Variants in DOK6 observed in about 807,000 individuals in gnomAD.
The protein encoded by DOK6 is downstream of tyrosine kinase 6.
DOK6 carries 22 observed loss-of-function variants against 44.0 expected under a neutral mutation model. The ratio of observed to expected loss-of-function variants is 0.50; its 90% CI spans 0.36 to 0.71. The LOEUF is 0.71. DOK6 is among the 30% of genes least tolerant of loss of function. The probability of loss-of-function intolerance (pLI) is 0.00; values close to 1 mark genes in which losing one functional copy is unlikely to be tolerated. For missense variants in DOK6, 340 were observed against 416.4 expected (o/e 0.82, Z 1.60); for synonymous variants, 166 against 145.5 (o/e 1.14, Z -1.01).
At chr18:69,691,593 G>A (rs1412479143) in intron 4 of DOK6, among the ~76,000 whole-genome samples, 1 of 152,164 alleles carries the variant, frequency 6.6e-6, no homozygotes, top group Non-Finnish European at 1.5e-5. Flanking sequence ...TTTTCACCAT[G>A]GTGAACCTGA....
chr18:69,433,977 T>C (rs1274238703), intron 1 of DOK6, among the ~76,000 whole-genome samples: 1 of 152,230 alleles, frequency 6.6e-6, no homozygotes, highest in Non-Finnish European at 1.5e-5. Flanking sequence ...TAGCCTCAAC[T>C]ACAGCAAAAT....
chr18:69,465,095 A>G (rs1979887601), intron 1 of DOK6, among the ~76,000 whole-genome samples: 2 of 152,118 alleles, frequency 1.3e-5, no homozygotes, highest in African/African-American at 2.4e-5. Context: ...ATAATGGGGG[A>G]AAATATTGTA....
At chr18:69,722,296 A>T (rs1325247669) in intron 5 of DOK6, among the ~76,000 whole-genome samples, 2 of 152,212 alleles carry the variant, frequency 1.3e-5, no homozygotes, top group African/African-American at 4.8e-5. Context: ...TCTTATCTCC[A>T]AATGAGTGCT....
At chr18:69,487,451 C>A (rs1008069153) in intron 1 of DOK6, among the ~76,000 whole-genome samples, 2 of 152,228 alleles carry the variant, frequency 1.3e-5, no homozygotes, top group Admixed American at 1.3e-4. Flanking sequence ...GTGTGAGGAG[C>A]TGGAAGGAAT....
At chr18:69,822,921 T>C (rs1981620713) in intron 7 of DOK6, among the ~76,000 whole-genome samples, 1 of 152,178 alleles carries the variant, frequency 6.6e-6, no homozygotes, top group Non-Finnish European at 1.5e-5. Flanking sequence ...ACATTGACAA[T>C]CACATTTAGC....
intron 1 of DOK6, among the ~76,000 whole-genome samples, chr18:69,474,522 A>G (rs1002890499): frequency 4.6e-5 from 7 of 152,166 alleles, no homozygotes; most frequent in African/African-American, 1.2e-4. Flanking sequence ...AATTTTACCT[A>G]TAAGCAATTT....
At chr18:69,599,529 G>T in intron 3 of DOK6, 31 bp downstream of exon 3, 1 of 1,582,036 alleles carries the variant, frequency 6.3e-7, no homozygotes. Flanking sequence ...TACCCCTTGA[G>T]GAAATTGAGC....
chr18:69,718,007 T>C (rs181378103), intron 5 of DOK6, among the ~76,000 whole-genome samples: 483 of 152,352 alleles, frequency 3.2e-3, no homozygotes, highest in African/African-American at 4.2e-3. Flanking sequence ...TTTAAGGAGC[T>C]TAACTCTTAA....
intron 7 of DOK6, among the ~76,000 whole-genome samples, chr18:69,829,102 A>G (rs1388971505): frequency 2.0e-5 from 3 of 150,952 alleles, no homozygotes; most frequent in Non-Finnish European, 3.0e-5. Flanking sequence ...TCAGTACACC[A>G]CTTGAACATA....
At chr18:69,759,074 A>G (rs946368447) in intron 7 of DOK6, among the ~76,000 whole-genome samples, 5 of 152,234 alleles carry the variant, frequency 3.3e-5, no homozygotes, top group Non-Finnish European at 5.9e-5. Context: ...CTTATGGCCA[A>G]CCTGACTGCC....
intron 7 of DOK6, chr18:69,777,798 T>C (rs1266562991): frequency 6.7e-6 from 1 of 148,606 alleles, no homozygotes; most frequent in African/African-American, 2.5e-5. Context: ...TATCTGTTTG[T>C]GGATGATAAA....
intron 1 of DOK6, among the ~76,000 whole-genome samples, chr18:69,552,290 A>C (rs1982584971): frequency 6.6e-6 from 1 of 152,086 alleles, no homozygotes; most frequent in Non-Finnish European, 1.5e-5. Flanking sequence ...GACATTTGGA[A>C]ATATATTAAT....
intron 1 of DOK6, among the ~76,000 whole-genome samples, chr18:69,426,926 G>A (rs1978654606): frequency 6.6e-6 from 1 of 152,086 alleles, no homozygotes; most frequent in Non-Finnish European, 1.5e-5. Flanking sequence ...TTGTTTTACA[G>A]CTGATTTCCT....
intron 6 of DOK6, among the ~76,000 whole-genome samples, chr18:69,755,385 T>C (rs1408158428): frequency 6.6e-6 from 1 of 152,202 alleles, no homozygotes; most frequent in Non-Finnish European, 1.5e-5. Context: ...CCATCAATGA[T>C]CTACTGTATG....
chr18:69,827,430 C>T (rs1387796055), intron 7 of DOK6, among the ~76,000 whole-genome samples: 2 of 152,146 alleles, frequency 1.3e-5, no homozygotes, highest in Non-Finnish European at 2.9e-5. Flanking sequence ...GATCAGAATG[C>T]TTCCCAGATC....
chr18:69,405,302 T>C (rs1376665333), intron 1 of DOK6, among the ~76,000 whole-genome samples: 3 of 152,166 alleles, frequency 2.0e-5, no homozygotes, highest in Non-Finnish European at 4.4e-5. Flanking sequence ...AAATTCACCC[T>C]TTTATAGAAG....
At chr18:69,553,225 C>T (rs926049127) in intron 1 of DOK6, among the ~76,000 whole-genome samples, 1 of 152,150 alleles carries the variant, frequency 6.6e-6, no homozygotes, top group Non-Finnish European at 1.5e-5. Flanking sequence ...AATAAAACAT[C>T]GACTGGAGAA....
At chr18:69,703,706 A>C (rs78047057) in intron 5 of DOK6, among the ~76,000 whole-genome samples, 1 of 152,128 alleles carries the variant, frequency 6.6e-6, no homozygotes, top group Non-Finnish European at 1.5e-5. Context: ...AACCTACCTC[A>C]TTGCCATGCA....
In DOK6 at chr18:69,824,169, A is replaced by G. The variant is rs541751677; in HGVS notation, c.857-17075A>G. Reference sequence around the variant, plus strand: ...ATTAACTCGTCATTTAACATTAGGTATATCTCCTAATGCTATCCCTCCCCC... The same window carrying G: ...ATTAACTCGTCATTTAACATTAGGTGTATCTCCTAATGCTATCCCTCCCCC... On this transcript the variant is annotated intron_variant, in intron 7 of 7. Coordinates refer to ENST00000382713, the MANE Select transcript of DOK6 (RefSeq NM_152721.6). Among the ~76,000 whole-genome samples the G allele has an allele frequency of 7.8e-4, 114 of 145,868 alleles. 1 individual carries two copies. The highest frequency in any genetic ancestry group is 2.6e-3 in the South Asian group (11 of 4,294).
Sources: gnomAD v4.1 joint callset for allele counts (sites outside exome capture counted in the v4.1 genomes callset) on GRCh38, gnomAD v4.1.1 for gene constraint, MANE v1.5 for transcripts, NCBI Gene and HGNC (gene_info 2026-07-23, HGNC 2026-07-21) for gene names.